FHIT: variants seen among roughly 807,000 people sequenced by gnomAD.
The protein encoded by FHIT is bis(5'-adenosyl)-triphosphatase.
In FHIT, 19 loss-of-function variants were observed where a neutral mutation model predicts 17.9. The observed-to-expected ratio is 1.06, with a 90% confidence interval of 0.74 to 1.56. The LOEUF is 1.56. Among genes scored for constraint, FHIT ranks in the 40% most tolerant of loss-of-function variants. FHIT has a pLI of 0.00. For missense variants in FHIT, 248 were observed against 189.2 expected (o/e 1.31, Z -1.82); for synonymous variants, 81 against 69.7 (o/e 1.16, Z -0.81).
intron 5 of FHIT, among the ~76,000 whole-genome samples, chr3:60,312,120 T>C (rs868604853): frequency 3.9e-5 from 6 of 152,254 alleles, no homozygotes; most frequent in Middle Eastern, 6.8e-3. Flanking sequence ...TGTAGGAGTA[T>C]AGATGCTCTC....
chr3:60,267,188 C>G (rs1331656168), intron 5 of FHIT, among the ~76,000 whole-genome samples: 1 of 151,790 alleles, frequency 6.6e-6, no homozygotes, highest in African/African-American at 2.4e-5. Flanking sequence ...ATACATATTA[C>G]TTAGAGATAC....
chr3:60,777,832 T>C (rs1283724157), intron 4 of FHIT, among the ~76,000 whole-genome samples: 1 of 152,184 alleles, frequency 6.6e-6, no homozygotes, highest in Non-Finnish European at 1.5e-5. Flanking sequence ...CCAGGCTCCT[T>C]AGATAGGAAT....
At chr3:60,428,789 A>C (rs998846079) in intron 5 of FHIT, among the ~76,000 whole-genome samples, 2 of 152,144 alleles carry the variant, frequency 1.3e-5, no homozygotes, top group Non-Finnish European at 1.5e-5. Context: ...CTGAGATCTG[A>C]TCTTCTTCTA....
intron 3 of FHIT, among the ~76,000 whole-genome samples, chr3:60,914,712 G>A (rs968299230): frequency 6.6e-6 from 1 of 152,126 alleles, no homozygotes; most frequent in Non-Finnish European, 1.5e-5. Flanking sequence ...ATGTTCATAA[G>A]CTATTTGTGG....
intron 2 of FHIT, among the ~76,000 whole-genome samples, chr3:61,050,391 CAATGT>C (rs1411758475): frequency 2.0e-5 from 3 of 152,036 alleles, no homozygotes; most frequent in African/African-American, 7.3e-5. Flanking sequence ...CAATTCAATG[CAATGT>C]GTGAATCTCT....
intron 3 of FHIT, among the ~76,000 whole-genome samples, chr3:60,834,580 CG>C (rs1702460452): frequency 6.6e-6 from 1 of 151,796 alleles, no homozygotes. Flanking sequence ...GGTCTTAGGC[CG>C]GGCGTGGTGG....
intron 4 of FHIT, among the ~76,000 whole-genome samples, chr3:60,676,301 A>T (rs2040619386): frequency 6.6e-6 from 1 of 152,188 alleles, no homozygotes; most frequent in African/African-American, 2.4e-5. Context: ...TGTGTATTTG[A>T]CAATCCTTTG....
intron 5 of FHIT, among the ~76,000 whole-genome samples, chr3:60,179,559 T>C (rs1453146486): frequency 2.0e-5 from 3 of 152,172 alleles, no homozygotes; most frequent in Non-Finnish European, 4.4e-5. Context: ...TTTTGGAGGA[T>C]GTGCCATTTT....
At chr3:61,022,706 A>G (rs1050870550) in intron 3 of FHIT, among the ~76,000 whole-genome samples, 1 of 152,182 alleles carries the variant, frequency 6.6e-6, no homozygotes. Context: ...AAATCAATAA[A>G]CATAATCCCT....
chr3:60,886,670 G>C (rs1478332315), intron 3 of FHIT, among the ~76,000 whole-genome samples: 2 of 152,106 alleles, frequency 1.3e-5, no homozygotes, highest in Admixed American at 1.3e-4. Flanking sequence ...CAAATTCCAA[G>C]TACTCATTGT....
At chr3:59,853,744 C>G (rs1302185384) in intron 8 of FHIT, among the ~76,000 whole-genome samples, 1 of 152,106 alleles carries the variant, frequency 6.6e-6, no homozygotes, top group African/African-American at 2.4e-5. Flanking sequence ...GGGACACACA[C>G]ATAGACACTT....
At chr3:60,803,265 C>T (rs1421674018) in intron 4 of FHIT, among the ~76,000 whole-genome samples, 2 of 152,178 alleles carry the variant, frequency 1.3e-5, no homozygotes, top group Non-Finnish European at 2.9e-5. Flanking sequence ...GATCTGTGAG[C>T]ATGAGTTGTG....
chr3:60,211,954 A>C (rs1380827645), intron 5 of FHIT, among the ~76,000 whole-genome samples: 2 of 152,192 alleles, frequency 1.3e-5, no homozygotes, highest in African/African-American at 4.8e-5. Flanking sequence ...ATACACACGT[A>C]AACTTATTTG....
chr3:60,023,382 T>C (rs373860602), intron 5 of FHIT, among the ~76,000 whole-genome samples: 1 of 152,158 alleles, frequency 6.6e-6, no homozygotes, highest in East Asian at 1.9e-4. Flanking sequence ...ATGAGGGGAG[T>C]GCCCTGAGCA....
intron 5 of FHIT, among the ~76,000 whole-genome samples, chr3:60,440,251 A>C (rs910455822): frequency 6.6e-6 from 1 of 152,070 alleles, no homozygotes; most frequent in African/African-American, 2.4e-5. Context: ...CCCAGTCATC[A>C]GTTCCCAAGA....
intron 2 of FHIT, among the ~76,000 whole-genome samples, chr3:61,112,307 G>A (rs1473186285): frequency 6.7e-6 from 1 of 150,202 alleles, no homozygotes; most frequent in Non-Finnish European, 1.5e-5. Context: ...CTGGGAATAT[G>A]GGTATAACTA....
intron 7 of FHIT, among the ~76,000 whole-genome samples, chr3:59,949,418 A>G (rs1398089955): frequency 6.6e-6 from 1 of 152,150 alleles, no homozygotes; most frequent in African/African-American, 2.4e-5. Flanking sequence ...CTGGCATTCC[A>G]CTAATGTCCA....
intron 2 of FHIT, among the ~76,000 whole-genome samples, chr3:61,063,807 A>G (rs2034511967): frequency 6.6e-6 from 1 of 152,088 alleles, no homozygotes; most frequent in African/African-American, 2.4e-5. Context: ...TTTTTAACAG[A>G]AGAAAAAAAA....
rs76409680 is a variant in FHIT, at chr3:60,324,725, C to T, written c.103+212135G>A. Among the ~76,000 whole-genome samples, 11 of 152,208 alleles carry T rather than the reference C, an allele frequency of 7.2e-5. No homozygotes were observed. In the East Asian group the frequency reaches 1.5e-3, roughly 21 times the overall value. On this transcript the variant is annotated intron_variant, in intron 5 of 9. Transcript: ENST00000492590. Reference sequence around the variant, plus strand: ...TCCACTATATGGCTTGATTTGATTACTTGAAAATTATTCATTTGTTTTACT... The same window carrying T: ...TCCACTATATGGCTTGATTTGATTATTTGAAAATTATTCATTTGTTTTACT...
Sources: gnomAD v4.1 joint callset for allele counts (sites outside exome capture counted in the v4.1 genomes callset) on GRCh38, gnomAD v4.1.1 for gene constraint, MANE v1.5 for transcripts, NCBI Gene and HGNC (gene_info 2026-07-23, HGNC 2026-07-21) for gene names.